Variants in AFG3L2 observed in about 807,000 individuals in gnomAD.
AFG3L2 encodes mitochondrial inner membrane m-AAA protease component AFG3L2.
A neutral mutation model predicts 94.5 loss-of-function variants in AFG3L2; 54 were observed. That is an observed-to-expected ratio of 0.57 (90% CI 0.46 to 0.72). The LOEUF (loss-of-function observed/expected upper bound fraction) is 0.72. Among genes scored for constraint, AFG3L2 ranks in the 30% least tolerant of loss-of-function variants. The pLI is 0.00. For missense variants in AFG3L2, 754 were observed against 994.9 expected (o/e 0.76, Z 3.26); for synonymous variants, 377 against 365.5 (o/e 1.03, Z -0.36).
chr18:12,357,680 C>A (rs930032844), intron 8 of AFG3L2, among the ~76,000 whole-genome samples: 1 of 152,094 alleles, frequency 6.6e-6, no homozygotes, highest in African/African-American at 2.4e-5. Flanking sequence ...TCACTGCAAC[C>A]TCCACCTCCC....
chr18:12,348,452 C>A, intron 12 of AFG3L2, 69 bp from the exon 13 acceptor site: 2 of 1,132,716 alleles, frequency 1.8e-6, no homozygotes, highest in Non-Finnish European at 2.7e-6. Flanking sequence ...ACAATATGGA[C>A]AGCCAAATCC....
At chr18:12,363,980 G>C in intron 5 of AFG3L2, 124 bp from the exon 6 acceptor site, 1 of 793,954 alleles carries the variant, frequency 1.3e-6, no homozygotes, top group Non-Finnish European at 2.2e-6. Context: ...ATCAGATAAA[G>C]ATGCCCCCAT....
At position 12,329,504 on chromosome 18, in the gene AFG3L2, C is replaced by G; in HGVS notation, c.*61G>C. 6.5e-7 allele frequency: 1 copy of G among 1,534,654 alleles called. No homozygotes were observed. Among genetic ancestry groups the G allele is most frequent in the Non-Finnish European group, 9.0e-7 (1 of 1,109,250 alleles). ...ATTCCCATTCTTCTGAAAGCCACAG[C>G]TGAAATAATGCACCAGCTGAAACCA... On this transcript the variant is annotated 3_prime_UTR_variant, in exon 17 of 17. Transcript: ENST00000269143.
chr18:12,348,604 T>C (rs1244394579), intron 12 of AFG3L2, among the ~76,000 whole-genome samples: 2 of 152,242 alleles, frequency 1.3e-5, no homozygotes, highest in East Asian at 1.9e-4. Flanking sequence ...AAGATGAAAG[T>C]ATTAGTAGTC....
At chr18:12,366,783 GACACCAGGTCAAA>G (rs1268495731) in intron 5 of AFG3L2, among the ~76,000 whole-genome samples, 169 bp downstream of exon 5, 1 of 152,190 alleles carries the variant, frequency 6.6e-6, no homozygotes, top group African/African-American at 2.4e-5. Flanking sequence ...TAAATTTGAG[GACACCAGGTCAAA>G]ACACGGGTTC....
intron 15 of AFG3L2, among the ~76,000 whole-genome samples, chr18:12,339,779 G>A (rs1316430763): frequency 6.6e-6 from 1 of 151,022 alleles, no homozygotes; most frequent in Non-Finnish European, 1.5e-5. Flanking sequence ...AACCTGGGAG[G>A]CAGAGCTTGC....
intron 14 of AFG3L2, chr18:12,343,927 T>C: frequency 1.6e-6 from 1 of 606,396 alleles, no homozygotes; most frequent in South Asian, 1.9e-5. Flanking sequence ...GGACACTCTG[T>C]GGTCCCTTTA....
intron 9 of AFG3L2, among the ~76,000 whole-genome samples, chr18:12,355,242 A>C (rs1908455386): frequency 6.6e-6 from 1 of 152,110 alleles, no homozygotes. Flanking sequence ...ACAATTCAAC[A>C]ACCAAAAAAA....
chr18:12,339,089 C>T lies in AFG3L2; in HGVS notation c.1980+1112G>A, dbSNP rs148298166. Among the ~76,000 whole-genome samples, 23 of 151,432 alleles carry T rather than the reference C, an allele frequency of 1.5e-4. No individual in the cohort carries two copies. In the East Asian group the frequency reaches 3.1e-3, roughly 21 times the overall value. Reference sequence around the variant, plus strand: ...TAACACAGTGAAATGCCTGCCTCTACTAAAGATACAAAAAATTAGCCAGGA... The same window carrying T: ...TAACACAGTGAAATGCCTGCCTCTATTAAAGATACAAAAAATTAGCCAGGA... On this transcript the variant is annotated intron_variant, in intron 15 of 16. Coordinates refer to ENST00000269143, the MANE Select transcript of AFG3L2 (RefSeq NM_006796.3).
intron 13 of AFG3L2, 180 bp from the exon 14 acceptor site, chr18:12,344,427 C>T: frequency 3.3e-6 from 2 of 608,168 alleles, no homozygotes; most frequent in South Asian, 3.4e-5. Flanking sequence ...GTAATCCCAG[C>T]ACTTTGGGAG....
chr18:12,362,149 A>G (rs938747359), intron 6 of AFG3L2, among the ~76,000 whole-genome samples: 2 of 152,210 alleles, frequency 1.3e-5, no homozygotes, highest in Non-Finnish European at 2.9e-5. Flanking sequence ...GACTCACCCT[A>G]TCTCATTTAA....
chr18:12,337,118 T>C lies in AFG3L2; in HGVS notation c.2175+223A>G, dbSNP rs770652204. On this transcript the variant is annotated intron_variant, in intron 16 of 16. Coordinates refer to ENST00000269143, the MANE Select transcript of AFG3L2 (RefSeq NM_006796.3). ...AGACTTCATTAATCATTCAGTCACA[T>C]TCCTAAGAGCCACAGGAGCCGGGAC... 2.1e-4 allele frequency: 127 copies of C among 615,404 alleles called. 1 individual carries two copies. In the Middle Eastern group the frequency reaches 3.0e-3, roughly 15 times the overall value. The allele number at this position is 615,404 out of a possible 1,614,324, so 38.1% of individuals were successfully genotyped here. A position where few individuals can be genotyped will look rare whatever the true frequency, so the allele number is the denominator to read the frequency against.
chr18:12,363,685 G>T, intron 6 of AFG3L2, 97 bp downstream of exon 6: 1 of 947,570 alleles, frequency 1.1e-6, no homozygotes, highest in Non-Finnish European at 1.7e-6. Context: ...TATCTGGTGC[G>T]TATAACTCCT....
At position 12,374,691 on chromosome 18, in the gene AFG3L2, C is replaced by T. The variant is rs114597775; in HGVS notation, c.114+2278G>A. On this transcript the variant is annotated intron_variant, in intron 1 of 16. Transcript: ENST00000269143. ...GAAAGCCTTTGGGTAACACTTCTGA[C>T]ATAAAACTGCAAACTCACAATGCAG... Among the ~76,000 whole-genome samples the T allele has an allele frequency of 4.0e-3, 603 of 152,274 alleles. 1 individual carries two copies. Among genetic ancestry groups the T allele is most frequent in the African/African-American group, 0.013 (530 of 41,556 alleles).
chr18:12,348,561 T>C (rs561682066), intron 12 of AFG3L2, among the ~76,000 whole-genome samples, 178 bp from the exon 13 acceptor site: 1 of 152,256 alleles, frequency 6.6e-6, no homozygotes, highest in Non-Finnish European at 1.5e-5. Flanking sequence ...TAGCGTTTAA[T>C]GTAAGCCTGG....
intron 13 of AFG3L2, 70 bp from the exon 14 acceptor site, chr18:12,344,317 A>G (rs989332053): frequency 2.4e-6 from 3 of 1,250,548 alleles, no homozygotes; most frequent in Non-Finnish European, 3.5e-6. Context: ...ACAGTTATAC[A>G]GTGCTATACA....
At chr18:12,360,100 G>C in intron 6 of AFG3L2, 49 bp from the exon 7 acceptor site, 2 of 1,582,476 alleles carry the variant, frequency 1.3e-6, no homozygotes, top group Non-Finnish European at 1.7e-6. Flanking sequence ...GAAACTAAAA[G>C]GTTCAATTCA....
At chr18:12,356,632 T>A in intron 9 of AFG3L2, 62 bp downstream of exon 9, 1 of 1,611,538 alleles carries the variant, frequency 6.2e-7, no homozygotes, top group Non-Finnish European at 8.5e-7. Context: ...AGCAAGTGCC[T>A]CCATCTGTGG....
In AFG3L2 at chr18:12,371,669, TGAG is replaced by T; in HGVS notation, c.134_136del (p.Thr45_Gln46delinsLys). On this transcript the variant is annotated inframe_deletion, in exon 2 of 17. Coordinates refer to ENST00000269143, the MANE Select transcript of AFG3L2 (RefSeq NM_006796.3). Reference sequence around the variant, plus strand: ...AAGAGAATTTCTGCTGGCCCTTGCTTGAGTTGTAACAAATCGGTAAAGCTGCAA... The same window carrying T: ...AAGAGAATTTCTGCTGGCCCTTGCTTTTGTAACAAATCGGTAAAGCTGCAA... The T allele has an allele frequency of 1.2e-6, 2 of 1,614,082 alleles. No homozygotes were observed. Among genetic ancestry groups the T allele is most frequent in the Non-Finnish European group, 1.7e-6 (2 of 1,180,016 alleles).
Sources: gnomAD v4.1 joint callset for allele counts (sites outside exome capture counted in the v4.1 genomes callset) on GRCh38, gnomAD v4.1.1 for gene constraint, MANE v1.5 for transcripts, NCBI Gene and HGNC (gene_info 2026-07-23, HGNC 2026-07-21) for gene names.